The following KCNN2 variants were observed in gnomAD, a reference collection of about 807,000 sequenced individuals.
KCNN2 encodes small conductance calcium-activated potassium channel protein 2.
A neutral mutation model predicts 55.5 loss-of-function variants in KCNN2; 24 were observed. That is an observed-to-expected ratio of 0.43 (90% CI 0.31 to 0.61). The LOEUF is 0.61. KCNN2 is among the 20% of genes least tolerant of loss of function. KCNN2 has a pLI of 0.08. For missense variants in KCNN2, 754 were observed against 853.6 expected, an observed-to-expected ratio of 0.88 and a Z score of 1.45; for synonymous variants, 431 against 336.1, an observed-to-expected ratio of 1.28 and a Z score of -3.09.
At chr5:114,350,968 A>G (rs182582134) in intron 2 of KCNN2, among the ~76,000 whole-genome samples, 82 of 151,930 alleles carry the variant, frequency 5.4e-4, no homozygotes, top group Non-Finnish European at 9.3e-4. Flanking sequence ...TGTTAGGGTC[A>G]GTTTGCCAAT....
At chr5:114,093,709 C>A (rs187626122) in intron 1 of KCNN2, among the ~76,000 whole-genome samples, 4 of 152,088 alleles carry the variant, frequency 2.6e-5, no homozygotes, top group Non-Finnish European at 2.9e-5. Flanking sequence ...GAGGAAATAC[C>A]AAACTCTTAT....
chr5:114,308,024 T>G (rs1756318958), intron 2 of KCNN2, among the ~76,000 whole-genome samples: 1 of 152,148 alleles, frequency 6.6e-6, no homozygotes, highest in Non-Finnish European at 1.5e-5. Flanking sequence ...TATGTATATG[T>G]GCATATGTCA....
chr5:114,126,274 T>C (rs1338211051), intron 1 of KCNN2, among the ~76,000 whole-genome samples: 1 of 152,122 alleles, frequency 6.6e-6, no homozygotes, highest in Non-Finnish European at 1.5e-5. Flanking sequence ...AGGCTGCTAA[T>C]AAAGACACAC....
chr5:114,420,340 G>A (rs185290063), intron 3 of KCNN2, among the ~76,000 whole-genome samples: 2 of 152,324 alleles, frequency 1.3e-5, no homozygotes, highest in East Asian at 1.9e-4. Context: ...GTTATTCCTA[G>A]GGCAGTTATA....
intron 2 of KCNN2, among the ~76,000 whole-genome samples, chr5:114,315,461 GTGTGTATATATA>G (rs1283144818): frequency 2.1e-5 from 2 of 94,278 alleles, no homozygotes; most frequent in African/African-American, 1.0e-4. Context: ...GTGTGTGTGT[GTGTGTATATATA>G]TATAAAACTT....
chr5:114,391,965 T>C (rs1758462095), intron 2 of KCNN2, among the ~76,000 whole-genome samples: 1 of 152,004 alleles, frequency 6.6e-6, no homozygotes, highest in Non-Finnish European at 1.5e-5. Flanking sequence ...AAAGAAGAGG[T>C]CTATGTCAGC....
chr5:114,074,250 A>T (rs898420012), intron 1 of KCNN2, among the ~76,000 whole-genome samples: 8 of 151,846 alleles, frequency 5.3e-5, no homozygotes, highest in Non-Finnish European at 1.0e-4. Context: ...ACCCATCACC[A>T]TCGGTAGAAC....
intron 5 of KCNN2, among the ~76,000 whole-genome samples, chr5:114,481,571 G>T (rs553220099): frequency 6.6e-6 from 1 of 152,204 alleles, no homozygotes; most frequent in East Asian, 1.9e-4. Flanking sequence ...AACCAAAAAA[G>T]AGTTGGAGTT....
At chr5:114,242,591 T>A (rs1045565770) in intron 2 of KCNN2, among the ~76,000 whole-genome samples, 2 of 152,202 alleles carry the variant, frequency 1.3e-5, no homozygotes, top group African/African-American at 4.8e-5. Context: ...CAGTGTTCTA[T>A]GTATTTATTT....
intron 2 of KCNN2, among the ~76,000 whole-genome samples, chr5:114,298,323 C>A (rs1210617593): frequency 2.0e-5 from 3 of 152,210 alleles, no homozygotes; most frequent in Non-Finnish European, 2.9e-5. Context: ...GGGAACCCTG[C>A]TCCGTAGATG....
At chr5:114,202,565 GTGTATA>G (rs1247701735) in intron 1 of KCNN2, among the ~76,000 whole-genome samples, 7 of 92,082 alleles carry the variant, frequency 7.6e-5, no homozygotes, top group African/African-American at 2.7e-4. Flanking sequence ...ATATATGTGT[GTGTATA>G]TATATATATA....
chr5:114,410,232 C>A (rs769638871), intron 3 of KCNN2, among the ~76,000 whole-genome samples: 1 of 152,126 alleles, frequency 6.6e-6, no homozygotes, highest in Admixed American at 6.5e-5. Flanking sequence ...ATTATCCAAT[C>A]CTGACTTGTA....
intron 3 of KCNN2, among the ~76,000 whole-genome samples, chr5:114,405,696 T>G (rs916609626): frequency 2.1e-5 from 3 of 144,890 alleles, no homozygotes; most frequent in Non-Finnish European, 4.5e-5. Context: ...TTTGTAGTTT[T>G]TTTTGTTTTG....
intron 2 of KCNN2, among the ~76,000 whole-genome samples, chr5:114,321,197 C>A (rs1756607577): frequency 6.6e-6 from 1 of 152,122 alleles, no homozygotes; most frequent in African/African-American, 2.4e-5. Flanking sequence ...CATAGAAGTA[C>A]AATTTACCCC....
chr5:114,252,297 T>G (rs1754880989), intron 2 of KCNN2, among the ~76,000 whole-genome samples: 1 of 152,198 alleles, frequency 6.6e-6, no homozygotes, highest in Non-Finnish European at 1.5e-5. Flanking sequence ...AATAAAAATA[T>G]AGTAAAGTAA....
intron 2 of KCNN2, among the ~76,000 whole-genome samples, chr5:114,401,242 T>TA (rs943552200): frequency 2.6e-5 from 4 of 152,120 alleles, no homozygotes; most frequent in African/African-American, 4.8e-5. Context: ...CCTTTGATAG[T>TA]AAAAAAACAA....
At chr5:114,453,554 GT>G (rs1330742985) in intron 3 of KCNN2, among the ~76,000 whole-genome samples, 3 of 152,202 alleles carry the variant, frequency 2.0e-5, no homozygotes, top group East Asian at 3.9e-4. Context: ...GTGCCTTCCA[GT>G]TTTCCAGTCA....
chr5:114,193,797 G>T (rs905202258), intron 1 of KCNN2, among the ~76,000 whole-genome samples: 1 of 143,484 alleles, frequency 7.0e-6, no homozygotes, highest in African/African-American at 3.0e-5. Context: ...AGAAATAAGA[G>T]AAGAGATCTT....
chr5:114,363,816 C>T, intron 1 of KCNN2, 90 bp from the exon 2 acceptor site: 1 of 862,378 alleles, frequency 1.2e-6, no homozygotes, highest in Non-Finnish European at 1.9e-6. Context: ...AGTTCAGGTC[C>T]ACCTGTGGGG....
Sources: allele counts gnomAD v4.1 joint callset (sites outside exome capture counted in the v4.1 genomes callset), GRCh38; gene constraint gnomAD v4.1.1; transcripts MANE v1.5; gene names NCBI Gene and HGNC (gene_info 2026-07-23, HGNC 2026-07-21).